Variants in LUZP2 observed in about 807,000 individuals in gnomAD.
LUZP2 encodes the protein leucine zipper protein 2.
Under a neutral mutation model 51.6 loss-of-function variants are expected in LUZP2, and 52 were observed. That is an observed-to-expected ratio of 1.01 (90% CI 0.81 to 1.27). LUZP2 has a LOEUF of 1.27. Ranked by LOEUF, LUZP2 falls within the 50% of genes most tolerant of loss-of-function variation. The pLI, the probability that LUZP2 is intolerant of heterozygous loss-of-function variation, is 0.00. For missense variants in LUZP2, 436 were observed against 395.4 expected (o/e 1.10, Z -0.87); for synonymous variants, 154 against 137.3 (o/e 1.12, Z -0.85).
intron 1 of LUZP2, among the ~76,000 whole-genome samples, chr11:24,532,784 T>C (rs917247222): frequency 6.6e-6 from 1 of 151,012 alleles, no homozygotes; most frequent in African/African-American, 2.4e-5. Flanking sequence ...AATATTAAGG[T>C]TTCCTAATTA....
At chr11:24,623,021 G>A (rs73433096) in intron 1 of LUZP2, among the ~76,000 whole-genome samples, 27,807 of 151,886 alleles carry the variant, frequency 0.18, 2,861 homozygotes, top group African/African-American at 0.27. Context: ...TTTCCATTCC[G>A]CCCCGATGGT....
At chr11:24,616,748 C>T (rs1314069168) in intron 1 of LUZP2, among the ~76,000 whole-genome samples, 1 of 152,058 alleles carries the variant, frequency 6.6e-6, no homozygotes, top group Non-Finnish European at 1.5e-5. Context: ...ATACCTCTGA[C>T]CTTATTCTTC....
At chr11:24,922,922 T>C (rs1336425028) in intron 7 of LUZP2, among the ~76,000 whole-genome samples, 3 of 140,802 alleles carry the variant, frequency 2.1e-5, no homozygotes, top group Non-Finnish European at 4.5e-5. Context: ...GATCTCGGCT[T>C]ACTGAAAGCT....
At chr11:24,870,802 C>G (rs1437713246) in intron 5 of LUZP2, among the ~76,000 whole-genome samples, 1 of 152,118 alleles carries the variant, frequency 6.6e-6, no homozygotes, top group African/African-American at 2.4e-5. Flanking sequence ...CTATTATAAT[C>G]TTCATCCTGA....
chr11:24,532,673 G>T (rs1851045892), intron 1 of LUZP2, among the ~76,000 whole-genome samples: 1 of 150,944 alleles, frequency 6.6e-6, no homozygotes, highest in Non-Finnish European at 1.5e-5. Context: ...AGGCAATTAA[G>T]GTGGGGTAGT....
chr11:24,689,591 A>G (rs934889622), intron 1 of LUZP2, among the ~76,000 whole-genome samples: 1 of 152,054 alleles, frequency 6.6e-6, no homozygotes, highest in Non-Finnish European at 1.5e-5. Context: ...CCATCACTTG[A>G]TAGTGGCCTG....
chr11:25,000,378 G>A (rs2133941759), intron 9 of LUZP2, among the ~76,000 whole-genome samples: 1 of 152,242 alleles, frequency 6.6e-6, no homozygotes, highest in Admixed American at 6.5e-5. Flanking sequence ...GCAAAGAAGG[G>A]TCCCTGCAGT....
At chr11:24,804,046 C>T (rs958182692) in intron 5 of LUZP2, among the ~76,000 whole-genome samples, 2 of 150,414 alleles carry the variant, frequency 1.3e-5, no homozygotes, top group African/African-American at 4.9e-5. Flanking sequence ...GCTCCTAACA[C>T]TTCTGAAACC....
intron 1 of LUZP2, among the ~76,000 whole-genome samples, chr11:24,530,791 G>A (rs548923364): frequency 7.4e-6 from 1 of 135,150 alleles, no homozygotes; most frequent in African/African-American, 2.7e-5. Flanking sequence ...TTTTTGGTGG[G>A]GTTTAGGGTT....
intron 7 of LUZP2, among the ~76,000 whole-genome samples, chr11:24,918,075 G>A (rs897813861): frequency 2.0e-5 from 3 of 151,898 alleles, no homozygotes; most frequent in African/African-American, 4.8e-5. Flanking sequence ...GGATTCCTAG[G>A]TATTGTATTC....
Position 24,652,995 on chromosome 11 carries a change from A to C in LUZP2, c.63-76174A>C, listed in dbSNP as rs77649116. Among the ~76,000 whole-genome samples, 1,284 of 152,278 alleles carry C rather than the reference A, an allele frequency of 8.4e-3. 19 individuals carry two copies. The highest frequency in any genetic ancestry group is 0.027 in the African/African-American group (1,142 of 41,558). ...ATGTGGAAAATTTAGAATTGTGTCA[A>C]AGGTTAGAATTAAGGTGCTAAGTCA... On this transcript the variant is annotated intron_variant, in intron 1 of 11. Coordinates refer to ENST00000336930, the MANE Select transcript of LUZP2 (RefSeq NM_001009909.4).
At chr11:25,072,594 C>T (rs1859188767) in intron 10 of LUZP2, among the ~76,000 whole-genome samples, 1 of 152,070 alleles carries the variant, frequency 6.6e-6, no homozygotes, top group Non-Finnish European at 1.5e-5. Context: ...CTTTAGATAA[C>T]ATTGGTTACT....
intron 1 of LUZP2, among the ~76,000 whole-genome samples, chr11:24,680,132 A>C (rs1244930773): frequency 2.0e-5 from 3 of 152,206 alleles, no homozygotes; most frequent in Non-Finnish European, 4.4e-5. Context: ...AAAAAATAAA[A>C]ACTATAAAAG....
chr11:24,657,440 A>C (rs1395226283), intron 1 of LUZP2, among the ~76,000 whole-genome samples: 1 of 152,156 alleles, frequency 6.6e-6, no homozygotes, highest in Non-Finnish European at 1.5e-5. Context: ...AAATAATAAG[A>C]GCTATCTATG....
chr11:24,660,121 A>T (rs1163101120), intron 1 of LUZP2, among the ~76,000 whole-genome samples: 4 of 152,188 alleles, frequency 2.6e-5, no homozygotes, highest in African/African-American at 4.8e-5. Context: ...CATGCATTCT[A>T]CAACTGCAAG....
chr11:25,042,913 A>G (rs1047956283), intron 9 of LUZP2, among the ~76,000 whole-genome samples: 2 of 152,204 alleles, frequency 1.3e-5, no homozygotes, highest in Non-Finnish European at 2.9e-5. Flanking sequence ...TGTTGAAGCT[A>G]TAACCACCAC....
At chr11:24,955,145 C>T (rs1039961662) in intron 7 of LUZP2, among the ~76,000 whole-genome samples, 6 of 151,882 alleles carry the variant, frequency 4.0e-5, no homozygotes, top group East Asian at 3.9e-4. Flanking sequence ...CCAAATGGAA[C>T]GCCCGTATAA....
chr11:24,604,573 C>T (rs1349805455), intron 1 of LUZP2, among the ~76,000 whole-genome samples: 1 of 151,812 alleles, frequency 6.6e-6, no homozygotes. Flanking sequence ...AAAACGGTGG[C>T]ATAGACTAAA....
chr11:24,699,036 G>A (rs1857336889), intron 1 of LUZP2, among the ~76,000 whole-genome samples: 1 of 151,598 alleles, frequency 6.6e-6, no homozygotes, highest in African/African-American at 2.4e-5. Flanking sequence ...TATCCTGGGT[G>A]GCAGAGAAAG....
Sources: allele counts gnomAD v4.1 joint callset (sites outside exome capture counted in the v4.1 genomes callset), GRCh38; gene constraint gnomAD v4.1.1; transcripts MANE v1.5; gene names NCBI Gene and HGNC (gene_info 2026-07-23, HGNC 2026-07-21).